The following RAD51D variants were observed in gnomAD, a reference collection of about 807,000 sequenced individuals.
The protein encoded by RAD51D is RAD51 paralog D, also known as DNA repair protein RAD51 homolog 4.
In RAD51D, 38 loss-of-function variants were observed where a neutral mutation model predicts 44.1. The ratio of observed to expected loss-of-function variants is 0.86; its 90% CI spans 0.67 to 1.13. The LOEUF (loss-of-function observed/expected upper bound fraction) is 1.13. Among genes scored for constraint, RAD51D ranks in the 50% most tolerant of loss-of-function variants. The pLI, the probability that RAD51D is intolerant of heterozygous loss-of-function variation, is 0.00. For synonymous variants in RAD51D, 141 were observed against 166.6 expected (o/e 0.85, Z 1.18); for missense variants, 390 against 414.0 (o/e 0.94, Z 0.50).
chr17:35,106,853 G>A lies in RAD51D; in HGVS notation c.480+135C>T, dbSNP rs575201017. 5.3e-6 allele frequency: 7 copies of A among 1,322,168 alleles called. No individual in the cohort carries two copies. The South Asian group carries it at 8.5e-5, about 16-fold the overall frequency. 81.9% of individuals were successfully genotyped at this position (1,322,168 alleles called of 1,614,324 possible). A position where few individuals can be genotyped will look rare whatever the true frequency, so the allele number is the denominator to read the frequency against. Reference sequence around the variant, plus strand: ...ATGGCATCAACAGGGGTGGCTTAAGGAATACGAGATGTATTAATAGAACAG... The same window carrying A: ...ATGGCATCAACAGGGGTGGCTTAAGAAATACGAGATGTATTAATAGAACAG... On this transcript the variant is annotated intron_variant, in intron 5 of 9. Transcript: ENST00000345365.
chr17:35,102,303 C>T (rs1384062646), intron 8 of RAD51D, among the ~76,000 whole-genome samples: 1 of 151,788 alleles, frequency 6.6e-6, no homozygotes, highest in Non-Finnish European at 1.5e-5. Flanking sequence ...ACCAAGGCCA[C>T]CTAGTTTTTG....
chr17:35,104,852 T>TA (rs1405451184), intron 6 of RAD51D: 1 of 151,428 alleles, frequency 6.6e-6, no homozygotes, highest in East Asian at 1.9e-4. Flanking sequence ...TTTTTTTTTT[T>TA]AAGACAGGGT....
intron 9 of RAD51D, 50 bp from the exon 10 acceptor site, chr17:35,101,086 GCTT>G (rs768028050): frequency 9.4e-6 from 15 of 1,603,256 alleles, no homozygotes; most frequent in Admixed American, 1.7e-5. Flanking sequence ...CAAGTGGGTA[GCTT>G]CTTTAGTTGC....
Position 35,103,130 on chromosome 17 carries a change from A to C in RAD51D, c.738+124T>G. On this transcript the variant is annotated intron_variant, in intron 8 of 9. Coordinates refer to ENST00000345365, the MANE Select transcript of RAD51D (RefSeq NM_002878.4). This position sits in a 1 kb window ranked among gnomAD's most constrained non-coding sequence, Gnocchi z 4.1. ...TATGGTGCAAAGCTGTAGCTGACCC[A>C]GGGAAGCTGGGATATGTCCCTTTCC... 1.2e-6 allele frequency: 1 copy of C among 868,374 alleles called. No individual in the cohort carries two copies. Among genetic ancestry groups the C allele is most frequent in the Non-Finnish European group, 1.9e-6 (1 of 525,458 alleles). The allele number at this position is 868,374 out of a possible 1,614,324, so 53.8% of individuals were successfully genotyped here.
At chr17:35,110,495 C>G (rs1200954965) in intron 3 of RAD51D, among the ~76,000 whole-genome samples, 1 of 152,180 alleles carries the variant, frequency 6.6e-6, no homozygotes, top group African/African-American at 2.4e-5. Flanking sequence ...TCTAAGAACT[C>G]TTTGCCTAGA....
At chr17:35,106,528 A>AG (rs1199375086) in intron 5 of RAD51D, 47 bp from the exon 6 acceptor site, 4 of 1,410,102 alleles carry the variant, frequency 2.8e-6, no homozygotes, top group East Asian at 2.3e-5. Context: ...AAGAGGGAGT[A>AG]GGGGGGTCAA....
rs2142408322 is a variant in RAD51D at position 35,100,926 on chromosome 17, T to C, written c.*27A>G. 6.3e-7 allele frequency: 1 copy of C among 1,594,132 alleles called. No individual in the cohort carries two copies. The highest frequency in any genetic ancestry group is 8.6e-7 in the Non-Finnish European group (1 of 1,162,296). On this transcript the variant is annotated 3_prime_UTR_variant, in exon 10 of 10. Coordinates refer to ENST00000345365, the MANE Select transcript of RAD51D (RefSeq NM_002878.4). ...AAAGTTGGGAGGGGTCCCCAATGCT[T>C]CCCTGTTTCCCAAACAACAGCACAG... is the stretch of plus-strand genomic sequence containing the variant.
Position 35,097,408 on chromosome 17 carries a change from G to C in RAD51D, c.*3545C>G, listed in dbSNP as rs1419056748. 1 of 151,752 alleles carries C rather than the reference G, an allele frequency of 6.6e-6. No individual in the cohort carries two copies. The highest frequency in any genetic ancestry group is 1.5e-5 in the Non-Finnish European group (1 of 68,016). The allele number at this position is 151,752 out of a possible 1,614,324, so 9.4% of individuals were successfully genotyped here. A position where few individuals can be genotyped will look rare whatever the true frequency, so the allele number is the denominator to read the frequency against. On this transcript the variant is annotated 3_prime_UTR_variant, in exon 10 of 10. Transcript: ENST00000345365. Reference sequence around the variant, plus strand: ...GCTGGGATTACAGGCGTGAGCCACTGCGCCTGGCTCATATGTGTATATATA... The same window carrying C: ...GCTGGGATTACAGGCGTGAGCCACTCCGCCTGGCTCATATGTGTATATATA...
At chr17:35,118,395 G>A in intron 3 of RAD51D, 106 bp downstream of exon 3, 1 of 919,952 alleles carries the variant, frequency 1.1e-6, no homozygotes, top group South Asian at 1.4e-5. Context: ...TCCATTATTG[G>A]TTAAAAAAAA....
chr17:35,113,222 C>T (rs2091698232), intron 3 of RAD51D, among the ~76,000 whole-genome samples: 2 of 152,220 alleles, frequency 1.3e-5, no homozygotes, highest in South Asian at 4.1e-4. Context: ...GATGACCTCC[C>T]ATGACCTCTC....
intron 3 of RAD51D, among the ~76,000 whole-genome samples, chr17:35,116,031 T>G: frequency 8.4e-6 from 1 of 118,448 alleles, no homozygotes; most frequent in Non-Finnish European, 1.8e-5. Context: ...ACCTGGTGAG[T>G]CAGCTTTGAT....
intron 1 of RAD51D, 81 bp downstream of exon 1, chr17:35,119,451 C>T (rs2091795255): frequency 1.4e-6 from 2 of 1,477,508 alleles, no homozygotes; most frequent in East Asian, 2.3e-5. Context: ...GCAGGTATGC[C>T]AGGGCAGTGC....
chr17:35,100,897 A>G lies in RAD51D; in HGVS notation c.*56T>C, dbSNP rs1016490032. 11 of 1,457,968 alleles carry G rather than the reference A, an allele frequency of 7.5e-6. No individual in the cohort carries two copies. The South Asian group carries it at 1.3e-4, about 17-fold the overall frequency. 90.3% of individuals were successfully genotyped at this position (1,457,968 alleles called of 1,614,324 possible). On this transcript the variant is annotated 3_prime_UTR_variant, in exon 10 of 10. Coordinates refer to ENST00000345365, the MANE Select transcript of RAD51D (RefSeq NM_002878.4). ...GCAGTAAACAGCAGGCGTTACTGGGAAGAAAAGTTGGGAGGGGTCCCCAAT... is the reference window on the plus strand; with the variant it reads ...GCAGTAAACAGCAGGCGTTACTGGGGAGAAAAGTTGGGAGGGGTCCCCAAT...
chr17:35,119,115 T>G lies in RAD51D; in HGVS notation c.140A>C (p.Tyr47Ser). ...ATGTGGAGATCAGGAGCTCACCTTG[T>G]AAGACAAGCCACATTTCTGAGCTAC... is the stretch of plus-strand genomic sequence containing the variant. ...EEVAQKCGLSYKALVALRRVL... is the reference protein window; with the variant it reads ...EEVAQKCGLSSKALVALRRVL... Residue 47 changes from tyrosine to serine, a missense_variant, in exon 2 of 10, where the codon TAC becomes TCC. By Grantham distance (144) the Tyr-to-Ser change is moderately radical (BLOSUM62 -2). Coordinates refer to ENST00000345365, the MANE Select transcript of RAD51D (RefSeq NM_002878.4). 6.2e-7 allele frequency: 1 copy of G among 1,613,426 alleles called. No individual in the cohort carries two copies. Among genetic ancestry groups the G allele is most frequent in the Non-Finnish European group, 8.5e-7 (1 of 1,179,370 alleles).
At position 35,106,496 on chromosome 17, in the gene RAD51D, A is replaced by T; in HGVS notation, c.481-15T>A. 1 of 1,597,770 alleles carries T rather than the reference A, an allele frequency of 6.3e-7. No homozygotes were observed. The highest frequency in any genetic ancestry group is 8.6e-7 in the Non-Finnish European group (1 of 1,167,804). ...AGAGCTTCTGCCTGAAGCGGTGGAAAAGAAAAGCAAGGACTTTGGATAAGA... is the reference window on the plus strand; with the variant it reads ...AGAGCTTCTGCCTGAAGCGGTGGAATAGAAAAGCAAGGACTTTGGATAAGA... On this transcript the variant is annotated splice_polypyrimidine_tract_variant and intron_variant, in intron 5 of 9. Transcript: ENST00000345365.
chr17:35,116,005 G>GAAAGAAAGAAAGAAAGAAAGA (rs1249763609), intron 3 of RAD51D, among the ~76,000 whole-genome samples: 10 of 148,056 alleles, frequency 6.8e-5, no homozygotes, highest in African/African-American at 2.5e-4. Context: ...AAGAAAGAAA[G>GAAAGAAAGAAAGAAAGAAAGA]AAAGAAAGGC....
At chr17:35,107,302 A>G (rs2142435603) in intron 4 of RAD51D, 64 bp downstream of exon 4, 2 of 1,472,560 alleles carry the variant, frequency 1.4e-6, no homozygotes, top group Non-Finnish European at 1.9e-6. Context: ...TCCCCCAGGG[A>G]CCCTGGGCTA....
chr17:35,118,133 T>C lies in RAD51D; in HGVS notation c.263+368A>G, dbSNP rs75802835. On this transcript the variant is annotated intron_variant, in intron 3 of 9. Coordinates refer to ENST00000345365, the MANE Select transcript of RAD51D (RefSeq NM_002878.4). ...GACAATGCTTCTCAACCAGAGGCAA[T>C]TGTGCCTCCCAGGGGACATTTAGCC... 5.0e-3 allele frequency among the ~76,000 whole-genome samples: 763 copies of C among 152,274 alleles called. 6 individuals are homozygous for C. The highest frequency in any genetic ancestry group is 7.8e-3 in the Non-Finnish European group (531 of 68,016).
intron 8 of RAD51D, among the ~76,000 whole-genome samples, chr17:35,101,651 C>T (rs1480291602): frequency 2.6e-5 from 4 of 152,136 alleles, no homozygotes; most frequent in East Asian, 1.9e-4. Flanking sequence ...TCATGCAGTC[C>T]GCCAGCCTCA....
Sources: allele counts gnomAD v4.1 joint callset (sites outside exome capture counted in the v4.1 genomes callset), GRCh38; gene constraint gnomAD v4.1.1; non-coding constraint Gnocchi (gnomAD v3.1); transcripts MANE v1.5; gene names NCBI Gene and HGNC (gene_info 2026-07-23, HGNC 2026-07-21).